WDPCP: variants seen among roughly 807,000 people sequenced by gnomAD.
The protein encoded by WDPCP is WD repeat containing planar cell polarity effector.
WDPCP carries 71 observed loss-of-function variants against 93.1 expected under a neutral mutation model. The observed-to-expected ratio is 0.76, with a 90% confidence interval of 0.63 to 0.93. WDPCP has a LOEUF of 0.93. WDPCP is among the 40% of genes least tolerant of loss of function. The pLI, the probability that WDPCP is intolerant of heterozygous loss-of-function variation, is 0.00. For missense variants in WDPCP, 844 were observed against 887.4 expected, an observed-to-expected ratio of 0.95 and a Z score of 0.62; for synonymous variants, 315 against 315.0, an observed-to-expected ratio of 1.00 and a Z score of 0.00.
intron 14 of WDPCP, among the ~76,000 whole-genome samples, chr2:63,204,199 C>A (rs887681130): frequency 6.6e-6 from 1 of 151,936 alleles, no homozygotes; most frequent in Non-Finnish European, 1.5e-5. Flanking sequence ...TTCTCCACAT[C>A]CTCACCAGCT....
chr2:63,619,771 G>A (rs1228429358), intron 3 of WDPCP, among the ~76,000 whole-genome samples: 1 of 152,226 alleles, frequency 6.6e-6, no homozygotes, highest in Non-Finnish European at 1.5e-5. Context: ...GCAGCTCCCA[G>A]GCAGATCAAT....
At chr2:63,525,103 G>A (rs1393556073) in intron 1 of WDPCP, among the ~76,000 whole-genome samples, 1 of 152,180 alleles carries the variant, frequency 6.6e-6, no homozygotes, top group Non-Finnish European at 1.5e-5. Flanking sequence ...CAGCAACATG[G>A]ATGGAGCTGG....
intron 2 of WDPCP, among the ~76,000 whole-genome samples, chr2:63,763,688 T>C (rs1670095440): frequency 6.6e-6 from 1 of 152,162 alleles, no homozygotes; most frequent in Non-Finnish European, 1.5e-5. Context: ...TTAGTGAAAT[T>C]ATGTAGAAAA....
At chr2:63,366,095 C>G (rs1690884698) in intron 12 of WDPCP, among the ~76,000 whole-genome samples, 4 of 152,106 alleles carry the variant, frequency 2.6e-5, no homozygotes. Context: ...TCTCACATAC[C>G]TCCACTAATT....
At chr2:63,543,847 G>A (rs925595295) in intron 1 of WDPCP, among the ~76,000 whole-genome samples, 11 of 152,026 alleles carry the variant, frequency 7.2e-5, no homozygotes, top group African/African-American at 2.7e-4. Flanking sequence ...CTCTTTAATT[G>A]TAGTCAGAGA....
chr2:63,814,422 G>A (rs542002729), intron 1 of WDPCP, among the ~76,000 whole-genome samples: 1 of 152,026 alleles, frequency 6.6e-6, no homozygotes, highest in South Asian at 2.1e-4. Context: ...TTGGTGCTTG[G>A]AGCTTTTGCA....
At chr2:63,657,176 G>A (rs1710176645) in intron 2 of WDPCP, among the ~76,000 whole-genome samples, 1 of 149,132 alleles carries the variant, frequency 6.7e-6, no homozygotes, top group South Asian at 2.1e-4. Context: ...GGAGGGTTTT[G>A]CGTACAGATG....
At chr2:63,717,321 CA>C (rs1669353071) in intron 2 of WDPCP, 1 of 519,996 alleles carries the variant, frequency 1.9e-6, no homozygotes, top group African/African-American at 1.9e-5. Context: ...TCACTGTGAA[CA>C]TGAAAAATGA....
chr2:63,636,191 T>C (rs919172958), intron 3 of WDPCP, among the ~76,000 whole-genome samples: 3 of 152,192 alleles, frequency 2.0e-5, no homozygotes, highest in African/African-American at 7.2e-5. Flanking sequence ...CTACAAAACG[T>C]TGACGATGAC....
chr2:63,448,607 C>A (rs770887514), intron 6 of WDPCP, among the ~76,000 whole-genome samples: 5 of 151,880 alleles, frequency 3.3e-5, no homozygotes, highest in Non-Finnish European at 7.4e-5. Flanking sequence ...AATATGAAAC[C>A]CCAAAATCTT....
At chr2:63,321,388 G>C (rs1214185501) in intron 12 of WDPCP, among the ~76,000 whole-genome samples, 2 of 7,002 alleles carry the variant, frequency 2.9e-4, no homozygotes. Context: ...TATACACTCT[G>C]TGTGTGTGTG....
chr2:63,826,808 T>A (rs532243320), intron 1 of WDPCP, among the ~76,000 whole-genome samples: 30 of 152,316 alleles, frequency 2.0e-4, no homozygotes, highest in African/African-American at 6.7e-4. Flanking sequence ...AATAAATCCG[T>A]ACTAACAAAT....
intron 14 of WDPCP, among the ~76,000 whole-genome samples, chr2:63,220,736 G>A (rs1677742818): frequency 2.0e-5 from 3 of 151,986 alleles, no homozygotes; most frequent in Admixed American, 6.6e-5. Context: ...CAGGATACAC[G>A]TGCAGGATGT....
chr2:63,190,382 G>A (rs1436334979), intron 14 of WDPCP, among the ~76,000 whole-genome samples: 3 of 148,962 alleles, frequency 2.0e-5, no homozygotes, highest in Admixed American at 6.7e-5. Context: ...GCAGTGAGCC[G>A]TGATCATGCC....
At chr2:63,589,405 G>A, upstream of WDPCP, 14 of 1,548,854 alleles carry the variant, frequency 9.0e-6, no homozygotes, top group Non-Finnish European at 1.1e-5. Context: ...GGAGGGAAAG[G>A]TTGGGTCCTA....
chr2:63,485,105 C>T, intron 4 of WDPCP, 118 bp from the exon 5 acceptor site: 3 of 1,032,702 alleles, frequency 2.9e-6, no homozygotes, highest in East Asian at 2.5e-5. Context: ...AGGAAGTGGG[C>T]TTCATTTCCA....
intron 2 of WDPCP, among the ~76,000 whole-genome samples, chr2:63,812,688 G>A (rs1472027187): frequency 2.0e-5 from 3 of 152,110 alleles, no homozygotes; most frequent in Admixed American, 2.0e-4. Context: ...CTGACCCACA[G>A]AAACTGTGGA....
At chr2:63,484,019 CAT>C (rs1191925546) in intron 6 of WDPCP, among the ~76,000 whole-genome samples, 2 of 151,970 alleles carry the variant, frequency 1.3e-5, no homozygotes, top group African/African-American at 4.8e-5. Context: ...AATATGATAA[CAT>C]GTGGCTATTG....
At chr2:63,752,160 G>A (rs772127017) in intron 2 of WDPCP, 84 of 629,036 alleles carry the variant, frequency 1.3e-4, no homozygotes, top group Middle Eastern at 9.3e-4. Context: ...TTTTATCCAC[G>A]GAGTCATGGT....
Sources: gnomAD v4.1 joint callset for allele counts (sites outside exome capture counted in the v4.1 genomes callset) on GRCh38, gnomAD v4.1.1 for gene constraint, MANE v1.5 for transcripts, NCBI Gene and HGNC (gene_info 2026-07-23, HGNC 2026-07-21) for gene names.